SHC2: variants seen among roughly 807,000 people sequenced by gnomAD.
SHC2 encodes the protein SHC-transforming protein 2.
Under a neutral mutation model 60.6 loss-of-function variants are expected in SHC2, and 62 were observed. That is an observed-to-expected ratio of 1.02 (90% confidence interval 0.83 to 1.26). SHC2 has a LOEUF of 1.26. SHC2 is among the 50% of genes most tolerant of loss of function. The pLI, the probability that SHC2 is intolerant of heterozygous loss-of-function variation, is 0.00. For synonymous variants in SHC2, 375 were observed against 372.4 expected (o/e 1.01, Z -0.08); for missense variants, 873 against 822.2 (o/e 1.06, Z -0.76).
Position 460,894 on chromosome 19 carries a change from A to G in SHC2, c.103T>C (p.Trp35Arg), listed in dbSNP as rs950346122. The G allele has an allele frequency of 1.0e-6, 1 of 989,898 alleles. No homozygotes were observed. Among genetic ancestry groups the G allele is most frequent in the Non-Finnish European group, 1.2e-6 (1 of 834,798 alleles). 61.3% of individuals were successfully genotyped at this position (989,898 alleles called of 1,614,324 possible). Residue 35 changes from tryptophan to arginine, a missense_variant, in exon 1 of 13, where the codon TGG becomes CGG. Trp to Arg is a moderately radical substitution (Grantham distance 101). Coordinates refer to ENST00000264554, the MANE Select transcript of SHC2 (RefSeq NM_012435.3). ...AAGCCGCCCGGGGCCGCGAACTTCC[A>G]CTGCGGCATTCGGGGCAGCAACGCG... ...FCALLPRMPQ[W>R]KFAAPGGFLG... is the part of the protein sequence containing the mutation.
At chr19:447,190 C>G (rs147541001) in intron 1 of SHC2, among the ~76,000 whole-genome samples, 1 of 152,076 alleles carries the variant, frequency 6.6e-6, no homozygotes, top group African/African-American at 2.4e-5. Context: ...ACGGACGCAC[C>G]GTGAGGACGC....
In SHC2 at chr19:438,922, C is replaced by A; in HGVS notation, c.600+48G>T. The A allele has an allele frequency of 6.4e-7, 1 of 1,559,562 alleles. No homozygotes were observed. The highest frequency in any genetic ancestry group is 8.7e-7 in the Non-Finnish European group (1 of 1,149,652). On this transcript the variant is annotated intron_variant, in intron 3 of 12. Coordinates refer to ENST00000264554, the MANE Select transcript of SHC2 (RefSeq NM_012435.3). The surrounding 1 kb of genome is among the most constrained non-coding windows in gnomAD (Gnocchi z 5.0). The stretch of plus-strand genomic sequence containing the variant: ...CAGGATGGCCGCAGCGTCCCCACAG[C>A]CCCCGACTGCCCCACCAGCCCCACG...
chr19:430,768 G>C (rs1974565186), intron 8 of SHC2, 21 bp from the exon 9 acceptor site: 1 of 1,611,132 alleles, frequency 6.2e-7, no homozygotes, highest in South Asian at 1.1e-5. Flanking sequence ...AGCAGTGAGA[G>C]GTTCCCCGGT....
chr19:417,672 CCAA>C (rs1322621938), intron 12 of SHC2, among the ~76,000 whole-genome samples: 2 of 152,262 alleles, frequency 1.3e-5, no homozygotes, highest in Admixed American at 6.5e-5. Flanking sequence ...TCTGGGGTCA[CCAA>C]CGCCTTTCCG....
chr19:444,228 AG>A (rs1974997807), intron 1 of SHC2, among the ~76,000 whole-genome samples: 1 of 152,222 alleles, frequency 6.6e-6, no homozygotes, highest in African/African-American at 2.4e-5. Flanking sequence ...GGCATGTAGT[AG>A]ACAGGTCATA....
chr19:444,768 C>T (rs536024810), intron 1 of SHC2, among the ~76,000 whole-genome samples: 10 of 152,086 alleles, frequency 6.6e-5, no homozygotes, highest in East Asian at 1.9e-4. Context: ...ATCCACTGCA[C>T]GCAGATCCGG....
At position 419,011 on chromosome 19, in the gene SHC2, C is replaced by G; in HGVS notation, c.1666G>C (p.Asp556His). 6.3e-7 allele frequency: 1 copy of G among 1,587,064 alleles called. No homozygotes were observed. The highest frequency in any genetic ancestry group is 1.8e-5 in the Admixed American group (1 of 56,408). The change falls in exon 12 of 13, where the codon GAC (aspartate) becomes CAC (histidine). Residue 556 changes from aspartate to histidine, a missense_variant. By Grantham distance (81) the Asp-to-His change is moderately conservative (BLOSUM62 -1). Coordinates refer to ENST00000264554, the MANE Select transcript of SHC2 (RefSeq NM_012435.3). ...GGCTGCCCGTTCTGCAGGTGGTGGT[C>G]GATCAGGTGGCTGATGCTCTCAAAC... ...VLFESISHLI[D>H]HHLQNGQPIV...
At position 439,601 on chromosome 19, in the gene SHC2, C is replaced by T. The variant is rs139104158; in HGVS notation, c.540-571G>A. On this transcript the variant is annotated intron_variant, in intron 2 of 12. Coordinates refer to ENST00000264554, the MANE Select transcript of SHC2 (RefSeq NM_012435.3). The stretch of plus-strand genomic sequence containing the variant: ...TCGGCGTCACGTGGAGAAACCAGAT[C>T]CCCCACCCAGGGCATGTGGGAATTT... 464 of 154,098 alleles carry T rather than the reference C, an allele frequency of 3.0e-3. 12 individuals carry two copies. Among genetic ancestry groups the T allele is most frequent in the Admixed American group, 0.022 (342 of 15,766 alleles). The allele number at this position is 154,098 out of a possible 1,614,324, so 9.5% of individuals were successfully genotyped here. A position where few individuals can be genotyped will look rare whatever the true frequency, so the allele number is the denominator to read the frequency against.
chr19:456,451 G>A lies in SHC2; in HGVS notation c.468+4078C>T, dbSNP rs74692570. ...CTGGCCTGGGCCACCGCCGTCCCTC[G>A]CAGCCTCCTCCCGGGTCTCTGCTGC... On this transcript the variant is annotated intron_variant, in intron 1 of 12. Transcript: ENST00000264554. Among the ~76,000 whole-genome samples the A allele has an allele frequency of 7.2e-5, 11 of 152,162 alleles. No individual in the cohort carries two copies. In the East Asian group the frequency reaches 1.2e-3, roughly 16 times the overall value.
chr19:437,239 C>G (rs1974745607), intron 4 of SHC2, among the ~76,000 whole-genome samples: 1 of 151,996 alleles, frequency 6.6e-6, no homozygotes, highest in Non-Finnish European at 1.5e-5. Context: ...CGTTTGCGAG[C>G]TCATCTGCGT....
At position 441,455 on chromosome 19, in the gene SHC2, A is replaced by G. The variant is rs1974866025; in HGVS notation, c.469-523T>C. Among the ~76,000 whole-genome samples the G allele has an allele frequency of 6.6e-6, 1 of 152,128 alleles. No individual in the cohort carries two copies. The highest frequency in any genetic ancestry group is 1.5e-5 in the Non-Finnish European group (1 of 68,020). ...AGGGAATTCACCATCTCAATGACTG[A>G]TAATACTGAGGGACGAGAGGGGCAG... is the stretch of plus-strand genomic sequence containing the variant. On this transcript the variant is annotated intron_variant, in intron 1 of 12. Transcript: ENST00000264554. This position sits in a 1 kb window ranked among gnomAD's most constrained non-coding sequence, Gnocchi z 4.9.
intron 1 of SHC2, among the ~76,000 whole-genome samples, chr19:442,779 A>ATGAG (rs1974922304): frequency 1.5e-5 from 1 of 65,260 alleles, no homozygotes. Context: ...GGATGGATGG[A>ATGAG]TGGATGGGTG....
At chr19:429,996 C>G (rs1328483054) in intron 9 of SHC2, among the ~76,000 whole-genome samples, 1 of 144,714 alleles carries the variant, frequency 6.9e-6, no homozygotes, top group African/African-American at 2.6e-5. Context: ...CCAACATGCA[C>G]GGAAACCTAA....
intron 7 of SHC2, among the ~76,000 whole-genome samples, chr19:435,396 C>T (rs554382154): frequency 2.0e-5 from 3 of 152,356 alleles, no homozygotes; most frequent in African/African-American, 7.2e-5. Flanking sequence ...TGGAGGCAGG[C>T]GAGGAGCCCG....
At chr19:436,144 G>T (rs747368905) in intron 7 of SHC2, 21 bp downstream of exon 7, 4 of 1,609,106 alleles carry the variant, frequency 2.5e-6, no homozygotes, top group Non-Finnish European at 2.5e-6. Context: ...CCCAGGGCAC[G>T]GGGGAGGCAG....
intron 1 of SHC2, among the ~76,000 whole-genome samples, chr19:450,231 A>G (rs112434157): frequency 0.033 from 5,064 of 152,322 alleles, 284 homozygotes; most frequent in African/African-American, 0.11. Flanking sequence ...AGCTTCCTCC[A>G]GGCATCTTGT....
Position 422,479 on chromosome 19 carries a change from C to T in SHC2, c.1310-23G>A, listed in dbSNP as rs1253201404. ...GTCCTGCAGGCCAGGGACAGGAGTG[C>T]TGGGCAGGCAGGGGGCAAGCAGCTA... On this transcript the variant is annotated intron_variant, in intron 10 of 12. Coordinates refer to ENST00000264554, the MANE Select transcript of SHC2 (RefSeq NM_012435.3). This position sits in a 1 kb window ranked among gnomAD's most constrained non-coding sequence, Gnocchi z 5.0. 4 of 1,489,024 alleles carry T rather than the reference C, an allele frequency of 2.7e-6. No homozygotes were observed. The highest frequency in any genetic ancestry group is 3.6e-6 in the Non-Finnish European group (4 of 1,115,998). 92.2% of individuals were successfully genotyped at this position (1,489,024 alleles called of 1,614,324 possible).
Position 438,676 on chromosome 19 carries a change from CT to C in SHC2, c.720+41del. ...CTTTGCCTCCTAGGACTCCTGGCCC[CT>C]CTGGGGGTCTGGGGACGCCAGGCGA... On this transcript the variant is annotated intron_variant, in intron 4 of 12. Coordinates refer to ENST00000264554, the MANE Select transcript of SHC2 (RefSeq NM_012435.3). This position sits in a 1 kb window ranked among gnomAD's most constrained non-coding sequence, Gnocchi z 5.0. The C allele has an allele frequency of 6.5e-7, 1 of 1,544,922 alleles. No individual in the cohort carries two copies. Among genetic ancestry groups the C allele is most frequent in the Non-Finnish European group, 8.7e-7 (1 of 1,145,908 alleles).
Position 422,616 on chromosome 19 carries a change from G to A in SHC2, c.1310-160C>T. 1.6e-6 allele frequency: 1 copy of A among 637,434 alleles called. No homozygotes were observed. Among genetic ancestry groups the A allele is most frequent in the South Asian group, 2.1e-5 (1 of 48,422 alleles). The allele number at this position is 637,434 out of a possible 1,614,324, so 39.5% of individuals were successfully genotyped here. A position where few individuals can be genotyped will look rare whatever the true frequency, so the allele number is the denominator to read the frequency against. ...GCGTATCAGACTCGCACTCTGCCCAGCCCCGTGCGTGCGGTGGGCTCACAT... is the reference window on the plus strand; with the variant it reads ...GCGTATCAGACTCGCACTCTGCCCAACCCCGTGCGTGCGGTGGGCTCACAT... On this transcript the variant is annotated intron_variant, in intron 10 of 12. Transcript: ENST00000264554. The surrounding 1 kb of genome is among the most constrained non-coding windows in gnomAD (Gnocchi z 5.0).
Sources: allele counts gnomAD v4.1 joint callset (sites outside exome capture counted in the v4.1 genomes callset), GRCh38; gene constraint gnomAD v4.1.1; non-coding constraint Gnocchi (gnomAD v3.1); transcripts MANE v1.5; gene names NCBI Gene and HGNC (gene_info 2026-07-23, HGNC 2026-07-21).